CTNNA3: variants seen among roughly 807,000 people sequenced by gnomAD.
CTNNA3 encodes the protein catenin alpha 3.
CTNNA3 carries 76 observed loss-of-function variants against 95.7 expected under a neutral mutation model. That is an observed-to-expected ratio of 0.79 (90% CI 0.66 to 0.96). CTNNA3 has a LOEUF of 0.96. Ranked by LOEUF, CTNNA3 falls within the 40% of genes least tolerant of loss-of-function variation. CTNNA3 has a pLI of 0.00. For missense variants in CTNNA3, 1,191 were observed against 1,089.8 expected (o/e 1.09, Z -1.31); for synonymous variants, 431 against 374.4 (o/e 1.15, Z -1.74).
intron 7 of CTNNA3, among the ~76,000 whole-genome samples, chr10:66,783,277 T>C (rs1045174832): frequency 1.3e-5 from 2 of 152,198 alleles, no homozygotes; most frequent in Non-Finnish European, 2.9e-5. Flanking sequence ...GGTATCAATA[T>C]AAACTATGAC....
In CTNNA3 at chr10:66,995,199, A is replaced by T. The variant is rs74802562; in HGVS notation, c.1047+185118T>A. ...GATTTCCATACTCTCCTCCTTTTGTATTTCTCTCTCCGTGAATAGAACCAC... is the reference window on the plus strand; with the variant it reads ...GATTTCCATACTCTCCTCCTTTTGTTTTTCTCTCTCCGTGAATAGAACCAC... On this transcript the variant is annotated intron_variant, in intron 7 of 17. Coordinates refer to ENST00000433211, the MANE Select transcript of CTNNA3 (RefSeq NM_013266.4). 9.8e-3 allele frequency among the ~76,000 whole-genome samples: 1,483 copies of T among 152,100 alleles called. 36 individuals carry two copies. The highest frequency in any genetic ancestry group is 0.034 in the African/African-American group (1,410 of 41,506).
At chr10:66,768,798 A>G (rs1212785602) in intron 8 of CTNNA3, among the ~76,000 whole-genome samples, 1 of 152,042 alleles carries the variant, frequency 6.6e-6, no homozygotes, top group East Asian at 1.9e-4. Context: ...AAAAAAAATT[A>G]GAGTCAAATT....
chr10:67,374,801 G>C (rs912986101), intron 5 of CTNNA3, among the ~76,000 whole-genome samples: 27 of 152,246 alleles, frequency 1.8e-4, no homozygotes, highest in African/African-American at 6.3e-4. Flanking sequence ...TACTTGAAGA[G>C]AAAATTTGCT....
intron 17 of CTNNA3, among the ~76,000 whole-genome samples, chr10:65,953,839 T>A (rs946465092): frequency 8.5e-5 from 13 of 152,218 alleles, no homozygotes; most frequent in Admixed American, 2.6e-4. Context: ...AGTGCCACAA[T>A]AAACATATGT....
At chr10:66,172,535 A>G (rs549297568) in intron 13 of CTNNA3, among the ~76,000 whole-genome samples, 6 of 151,822 alleles carry the variant, frequency 4.0e-5, no homozygotes, top group African/African-American at 1.4e-4. Flanking sequence ...TTTCTTGTTT[A>G]TTTCAGACAT....
At position 65,916,877 on chromosome 10, in the gene CTNNA3, C is replaced by T. The variant is rs2077014116; in HGVS notation, c.*3453G>A. ...TGAAGGTTCAGGAAGCCGTTGAAGT[C>T]ACTTACTCTGTTGTTACACATTAGG... is the stretch of plus-strand genomic sequence containing the variant. On this transcript the variant is annotated 3_prime_UTR_variant, in exon 18 of 18. Coordinates refer to ENST00000433211, the MANE Select transcript of CTNNA3 (RefSeq NM_013266.4). 6.6e-6 allele frequency: 1 copy of T among 152,154 alleles called. No homozygotes were observed. Among genetic ancestry groups the T allele is most frequent in the African/African-American group, 2.4e-5 (1 of 41,462 alleles). 9.4% of individuals were successfully genotyped at this position (152,154 alleles called of 1,614,324 possible).
chr10:67,300,325 A>G (rs571460892), intron 5 of CTNNA3, among the ~76,000 whole-genome samples: 4 of 152,304 alleles, frequency 2.6e-5, no homozygotes, highest in Admixed American at 1.3e-4. Flanking sequence ...AACCATCATG[A>G]ATCCTACTGG....
intron 3 of CTNNA3, among the ~76,000 whole-genome samples, chr10:67,563,700 C>T (rs1041796595): frequency 1.6e-4 from 24 of 152,194 alleles, no homozygotes; most frequent in African/African-American, 5.3e-4. Context: ...TCAGAGTGAA[C>T]AGGCAACCTA....
At chr10:67,727,463 CAT>C (rs1841242625) in intron 1 of CTNNA3, among the ~76,000 whole-genome samples, 1 of 130,400 alleles carries the variant, frequency 7.7e-6, no homozygotes, top group South Asian at 2.3e-4. Context: ...TCATATATAT[CAT>C]ATATTATATA....
Position 67,003,396 on chromosome 10 carries a change from T to A in CTNNA3, c.1047+176921A>T, listed in dbSNP as rs79055431. 4.6e-5 allele frequency among the ~76,000 whole-genome samples: 7 copies of A among 152,282 alleles called. No homozygotes were observed. In the East Asian group the frequency reaches 1.3e-3, roughly 29 times the overall value. On this transcript the variant is annotated intron_variant, in intron 7 of 17. Coordinates refer to ENST00000433211, the MANE Select transcript of CTNNA3 (RefSeq NM_013266.4). ...AAGTCTTCAAGCCCTACACCAATAT[T>A]TCCCATAGTATGTTCCAAGTATTTC...
chr10:66,435,373 TG>T (rs1256138746), intron 11 of CTNNA3, among the ~76,000 whole-genome samples: 2 of 152,178 alleles, frequency 1.3e-5, no homozygotes, highest in African/African-American at 4.8e-5. Context: ...GGTTTAGTCT[TG>T]GGAGGGTGTA....
At chr10:67,726,044 T>A (rs1841210638) in intron 1 of CTNNA3, among the ~76,000 whole-genome samples, 1 of 130,412 alleles carries the variant, frequency 7.7e-6, no homozygotes, top group Non-Finnish European at 1.6e-5. Context: ...TTCTATTATA[T>A]ACAATTATTA....
intron 10 of CTNNA3, among the ~76,000 whole-genome samples, chr10:66,583,546 A>G (rs1843263387): frequency 6.6e-6 from 1 of 151,680 alleles, no homozygotes; most frequent in Non-Finnish European, 1.5e-5. Context: ...TTTCATTTAT[A>G]ATTAGTCTTA....
At chr10:67,435,245 T>C (rs1846261598) in intron 5 of CTNNA3, among the ~76,000 whole-genome samples, 1 of 151,992 alleles carries the variant, frequency 6.6e-6, no homozygotes, top group Admixed American at 6.6e-5. Flanking sequence ...TAAACCCACA[T>C]TCATACTGTT....
At chr10:66,322,402 T>G (rs980172480) in intron 12 of CTNNA3, among the ~76,000 whole-genome samples, 2 of 151,978 alleles carry the variant, frequency 1.3e-5, no homozygotes, top group South Asian at 2.1e-4. Flanking sequence ...GATTTAGACA[T>G]GAGCAGAGGA....
At chr10:66,860,324 A>T (rs1006700509) in intron 7 of CTNNA3, among the ~76,000 whole-genome samples, 1 of 152,182 alleles carries the variant, frequency 6.6e-6, no homozygotes, top group Admixed American at 6.5e-5. Context: ...GCGAAGAAGA[A>T]AAATTACTTG....
intron 5 of CTNNA3, among the ~76,000 whole-genome samples, chr10:67,457,111 A>G (rs777853232): frequency 1.6e-4 from 25 of 152,318 alleles, no homozygotes; most frequent in Non-Finnish European, 3.2e-4. Context: ...TATAAGAAAT[A>G]CTCTGTGAAC....
At chr10:67,524,620 T>C (rs1323783636) in intron 4 of CTNNA3, among the ~76,000 whole-genome samples, 1 of 152,060 alleles carries the variant, frequency 6.6e-6, no homozygotes, top group Non-Finnish European at 1.5e-5. Context: ...TAATAAAGAG[T>C]TCAAAATACT....
At chr10:66,878,961 T>G (rs571909270) in intron 7 of CTNNA3, among the ~76,000 whole-genome samples, 2 of 152,326 alleles carry the variant, frequency 1.3e-5, no homozygotes, top group Non-Finnish European at 2.9e-5. Context: ...GTAAATTAAC[T>G]ATTTTTGAGC....
Sources: allele counts gnomAD v4.1 joint callset (sites outside exome capture counted in the v4.1 genomes callset), GRCh38; gene constraint gnomAD v4.1.1; transcripts MANE v1.5; gene names NCBI Gene and HGNC (gene_info 2026-07-23, HGNC 2026-07-21).